SHQ1: variants seen among roughly 807,000 people sequenced by gnomAD.
SHQ1 encodes the protein SHQ1, H/ACA ribonucleoprotein assembly factor.
In SHQ1, 49 loss-of-function variants were observed where a neutral mutation model predicts 53.8. The observed-to-expected ratio is 0.91, with a 90% CI of 0.72 to 1.16. SHQ1 has a LOEUF of 1.16. Among genes scored for constraint, SHQ1 ranks in the 50% most tolerant of loss-of-function variants. The pLI, the probability that SHQ1 is intolerant of heterozygous loss-of-function variation, is 0.00. For synonymous variants in SHQ1, 243 were observed against 251.0 expected (o/e 0.97, Z 0.30); for missense variants, 738 against 683.1 (o/e 1.08, Z -0.90).
At chr3:72,833,511 CAGACAGAT>C (rs1401155615) in intron 4 of SHQ1, among the ~76,000 whole-genome samples, 158 of 128,992 alleles carry the variant, frequency 1.2e-3, no homozygotes, top group South Asian at 2.8e-3. Context: ...GACAGACAGA[CAGACAGAT>C]AGATGGATGA....
intron 1 of SHQ1, among the ~76,000 whole-genome samples, chr3:72,847,038 T>G (rs1343536119): frequency 6.6e-6 from 1 of 152,180 alleles, no homozygotes; most frequent in Non-Finnish European, 1.5e-5. Context: ...CTCATAGCAC[T>G]CACCACAATT....
At chr3:72,751,500 G>GTACATATATATATATATATA (rs1411876975) in intron 10 of SHQ1, among the ~76,000 whole-genome samples, 1 of 119,596 alleles carries the variant, frequency 8.4e-6, no homozygotes, top group African/African-American at 4.1e-5. Context: ...GTGTGTGTGT[G>GTACATATATATATATATATA]TGTGTGTGTA....
At chr3:72,754,783 C>T (rs941307198) in intron 10 of SHQ1, among the ~76,000 whole-genome samples, 43 of 152,184 alleles carry the variant, frequency 2.8e-4, no homozygotes, top group African/African-American at 1.0e-3. Flanking sequence ...AGCCCAGAAT[C>T]CTCCAAAGGA....
intron 9 of SHQ1, among the ~76,000 whole-genome samples, chr3:72,811,219 G>A (rs1707112117): frequency 6.6e-6 from 1 of 152,154 alleles, no homozygotes; most frequent in African/African-American, 2.4e-5. Flanking sequence ...ACAGGCATGT[G>A]GAGGTTTTGC....
chr3:72,823,737 T>TC (rs1348387755), intron 6 of SHQ1, among the ~76,000 whole-genome samples: 1 of 152,170 alleles, frequency 6.6e-6, no homozygotes, highest in Non-Finnish European at 1.5e-5. Flanking sequence ...TTTTAAAATA[T>TC]CCCCAAAATT....
rs545723518 is a variant in SHQ1 at position 72,828,916 on chromosome 3, G to A, written c.599+3453C>T. ...GCAGATTTTCATTTTCAGCACGTAA[G>A]ACATCATACTAATGGTTCATGGTTG... is the stretch of plus-strand genomic sequence containing the variant. On this transcript the variant is annotated intron_variant, in intron 5 of 10. Coordinates refer to ENST00000325599, the MANE Select transcript of SHQ1 (RefSeq NM_018130.3). Among the ~76,000 whole-genome samples the A allele has an allele frequency of 4.6e-5, 7 of 152,144 alleles. No homozygotes were observed. In the South Asian group the frequency reaches 8.3e-4, roughly 18 times the overall value.
In SHQ1 at chr3:72,846,368, C is replaced by T; in HGVS notation, c.143+1830G>A. 3 of 1,462,756 alleles carry T rather than the reference C, an allele frequency of 2.1e-6. No individual in the cohort carries two copies. The South Asian group carries it at 3.9e-5, about 19-fold the overall frequency. 90.6% of individuals were successfully genotyped at this position (1,462,756 alleles called of 1,614,324 possible). A position where few individuals can be genotyped will look rare whatever the true frequency, so the allele number is the denominator to read the frequency against. On this transcript the variant is annotated intron_variant, in intron 1 of 10. Coordinates refer to ENST00000325599, the MANE Select transcript of SHQ1 (RefSeq NM_018130.3). The stretch of plus-strand genomic sequence containing the variant: ...GGAGTGCGATAGCGCAATCTTGGCT[C>T]ACTGCAACCTTCGCCCCCCAGGTTC...
intron 4 of SHQ1, among the ~76,000 whole-genome samples, chr3:72,836,901 T>C (rs1182036333): frequency 6.6e-6 from 1 of 152,196 alleles, no homozygotes; most frequent in African/African-American, 2.4e-5. Flanking sequence ...TATGGAAGTT[T>C]AGGCACAGGT....
In SHQ1 at chr3:72,772,916, G is replaced by A. The variant is rs937455118; in HGVS notation, c.1181+20000C>T. ...GCACAGGCTGTTACAACTTCTAAATGGGAGTTATTTGACCAGCATGAAGAA... is the reference window on the plus strand; with the variant it reads ...GCACAGGCTGTTACAACTTCTAAATAGGAGTTATTTGACCAGCATGAAGAA... On this transcript the variant is annotated intron_variant, in intron 10 of 10. Transcript: ENST00000325599. The A allele has an allele frequency of 6.1e-6, 5 of 823,188 alleles. No individual in the cohort carries two copies. In the Admixed American group the frequency reaches 8.9e-5, roughly 15 times the overall value. 51.0% of individuals were successfully genotyped at this position (823,188 alleles called of 1,614,324 possible).
chr3:72,819,896 GAA>G (rs946021130), intron 6 of SHQ1, among the ~76,000 whole-genome samples: 1 of 152,212 alleles, frequency 6.6e-6, no homozygotes, highest in Non-Finnish European at 1.5e-5. Flanking sequence ...ACTGCAGGAA[GAA>G]AGCATACCTG....
intron 6 of SHQ1, among the ~76,000 whole-genome samples, chr3:72,822,244 A>T (rs1305170221): frequency 6.6e-6 from 1 of 152,232 alleles, no homozygotes; most frequent in African/African-American, 2.4e-5. Flanking sequence ...AAGTTCGTCT[A>T]CCTTAGATCA....
At chr3:72,739,904 C>T in the SHQ1 span, among the ~76,000 whole-genome samples, 4 of 152,160 alleles carry the variant, frequency 2.6e-5, no homozygotes, top group African/African-American at 9.7e-5. Context: ...TGGCCCAGCT[C>T]CAGCACCTTG....
intron 6 of SHQ1, among the ~76,000 whole-genome samples, chr3:72,822,669 G>C (rs1707512708): frequency 6.6e-6 from 1 of 152,170 alleles, no homozygotes; most frequent in Admixed American, 6.5e-5. Flanking sequence ...CACACTTGAT[G>C]ATTTAAGTTT....
chr3:72,777,552 G>A (rs1441565622), intron 10 of SHQ1, among the ~76,000 whole-genome samples: 2 of 152,186 alleles, frequency 1.3e-5, no homozygotes. Flanking sequence ...GTAAGTGTTG[G>A]CATGAAGGTG....
chr3:72,797,497 C>G lies in SHQ1; in HGVS notation c.1061-4461G>C, dbSNP rs191151479. On this transcript the variant is annotated intron_variant, in intron 9 of 10. Transcript: ENST00000325599. ...AAAAATTAAGACATGTTCAACTACA[C>G]AGCCAAACCCTGAAAAATTGACAAA... Among the ~76,000 whole-genome samples the G allele has an allele frequency of 1.2e-4, 18 of 152,262 alleles. 1 individual carries two copies. The highest frequency in any genetic ancestry group is 3.3e-4 in the Admixed American group (5 of 15,306).
chr3:72,785,934 T>C (rs1400671876), intron 10 of SHQ1, among the ~76,000 whole-genome samples: 2 of 152,210 alleles, frequency 1.3e-5, no homozygotes, highest in African/African-American at 4.8e-5. Context: ...CTGATATTCC[T>C]TAGAGGCATT....
chr3:72,770,721 C>T (rs9817869), intron 10 of SHQ1, among the ~76,000 whole-genome samples: 1 of 152,050 alleles, frequency 6.6e-6, no homozygotes, highest in Non-Finnish European at 1.5e-5. Context: ...CACCTAGCCT[C>T]GAATATCCAC....
intron 1 of SHQ1, chr3:72,846,098 G>C: frequency 1.0e-6 from 1 of 975,052 alleles, no homozygotes; most frequent in East Asian, 2.6e-5. Flanking sequence ...AGAGCTTAGT[G>C]GCCGGCACAA....
chr3:72,805,562 A>G (rs1706915431), intron 9 of SHQ1, among the ~76,000 whole-genome samples: 2 of 152,224 alleles, frequency 1.3e-5, no homozygotes, highest in African/African-American at 4.8e-5. Context: ...TAAGCCATAC[A>G]TTCAAACCAT....
Sources: allele counts gnomAD v4.1 joint callset (sites outside exome capture counted in the v4.1 genomes callset), GRCh38; gene constraint gnomAD v4.1.1; transcripts MANE v1.5; gene names NCBI Gene and HGNC (gene_info 2026-07-23, HGNC 2026-07-21).